The following VEGFA variants were observed in gnomAD, a reference collection of about 807,000 sequenced individuals.
VEGFA encodes vascular endothelial growth factor A.
A neutral mutation model predicts 49.7 loss-of-function variants in VEGFA; 20 were observed. That is an observed-to-expected ratio of 0.40 (90% CI 0.28 to 0.58). The LOEUF (loss-of-function observed/expected upper bound fraction) is 0.58. Among genes scored for constraint, VEGFA ranks in the 20% least tolerant of loss-of-function variants. The pLI is 0.40. For missense variants in VEGFA, 505 were observed against 553.5 expected (o/e 0.91, Z 0.88); for synonymous variants, 219 against 223.4 (o/e 0.98, Z 0.18).
intron 1 of VEGFA, chr6:43,772,097 T>C: frequency 1.0e-6 from 1 of 984,820 alleles, no homozygotes; most frequent in Non-Finnish European, 1.2e-6. Flanking sequence ...AGGTGACCTC[T>C]CGAGGTAGCC....
chr6:43,776,243 A>C (rs1201851137), intron 2 of VEGFA: 1 of 152,196 alleles, frequency 6.6e-6, no homozygotes, highest in Non-Finnish European at 1.5e-5. Flanking sequence ...GGACTGGCCC[A>C]AGGTCATACC....
intron 6 of VEGFA, 50 bp downstream of exon 6, chr6:43,780,853 C>T: frequency 6.2e-7 from 1 of 1,613,536 alleles, no homozygotes; most frequent in African/African-American, 1.3e-5. Flanking sequence ...CCCTGGCCCC[C>T]AGTACAACCT....
intron 6 of VEGFA, 22 bp from the exon 7 acceptor site, chr6:43,781,934 C>T (rs1233942601): frequency 6.2e-7 from 1 of 1,613,472 alleles, no homozygotes. Context: ...GCTTAGATGT[C>T]TTTCCTTTTG....
chr6:43,778,060 A>G (rs1766051245), intron 3 of VEGFA: 1 of 439,278 alleles, frequency 2.3e-6, no homozygotes, highest in Non-Finnish European at 4.2e-6. Flanking sequence ...GTAATGGGGC[A>G]CATCTCAGCC....
chr6:43,782,575 C>T (rs1768214565), intron 7 of VEGFA: 1 of 242,354 alleles, frequency 4.1e-6, no homozygotes. Context: ...GTGTTTCTTG[C>T]TGGGGGAAGG....
chr6:43,780,211 G>A lies in VEGFA; in HGVS notation c.963-521G>A, dbSNP rs533142477. The A allele has an allele frequency of 8.9e-5, 19 of 213,760 alleles. 1 individual carries two copies. In the South Asian group the frequency reaches 1.4e-3, roughly 15 times the overall value. The allele number at this position is 213,760 out of a possible 1,614,324, so 13.2% of individuals were successfully genotyped here. The stretch of plus-strand genomic sequence containing the variant: ...CACCGGGATTCCCAGAGGTTCTGTC[G>A]CAGTTGCAAATGAAGGCACAAGGCC... On this transcript the variant is annotated intron_variant, in intron 5 of 7. Transcript: ENST00000672860.
intron 7 of VEGFA, chr6:43,782,384 T>C (rs1036751848): frequency 2.4e-6 from 1 of 421,502 alleles, no homozygotes; most frequent in Non-Finnish European, 4.5e-6. Flanking sequence ...GTGTGTTGTG[T>C]CCTGTGGTCC....
chr6:43,771,440 G>A, intron 1 of VEGFA, 128 bp downstream of exon 1: 1 of 971,022 alleles, frequency 1.0e-6, no homozygotes, highest in Non-Finnish European at 1.4e-6. Context: ...GGCGTGCGGC[G>A]TCCCCCTCTG....
chr6:43,780,665 C>A, intron 5 of VEGFA, 67 bp from the exon 6 acceptor site: 1 of 1,561,970 alleles, frequency 6.4e-7, no homozygotes, highest in Non-Finnish European at 8.7e-7. Flanking sequence ...CCCTGCCCAC[C>A]TTACCACTTC....
Position 43,771,061 on chromosome 6 carries a change from T to C in VEGFA, c.355T>C (p.Trp119Arg), listed in dbSNP as rs1022494662. Residue 119 changes from tryptophan to arginine, a missense_variant, in exon 1 of 8, where the codon TGG (tryptophan) becomes CGG (arginine). Transcript: ENST00000672860. The stretch of plus-strand genomic sequence containing the variant: ...ACTCGGCGCTCGGAAGCCGGGCTCA[T>C]GGACGGGTGAGGCGGCGGTGTGCGC... 20 of 1,513,552 alleles carry C rather than the reference T, an allele frequency of 1.3e-5. No individual in the cohort carries two copies. The highest frequency in any genetic ancestry group is 2.3e-4 in the Middle Eastern group (1 of 4,368). The allele number at this position is 1,513,552 out of a possible 1,614,324, so 93.8% of individuals were successfully genotyped here.
At chr6:43,780,925 C>T in intron 6 of VEGFA, 122 bp downstream of exon 6, 1 of 1,609,634 alleles carries the variant, frequency 6.2e-7, no homozygotes, top group African/African-American at 1.3e-5. Flanking sequence ...TCTCATCCTC[C>T]TGGCCCGTGT....
Position 43,774,329 on chromosome 6 carries a change from T to C in VEGFA, c.607-12T>C. On this transcript the variant is annotated splice_polypyrimidine_tract_variant and intron_variant, in intron 1 of 7. Transcript: ENST00000672860. ...TGCCCATGCCCATGCCTTGCTCTCT[T>C]TCTGTCCTCAGTGGTCCCAGGCTGC... The C allele has an allele frequency of 6.2e-7, 1 of 1,614,052 alleles. No homozygotes were observed. Among genetic ancestry groups the C allele is most frequent in the Non-Finnish European group, 8.5e-7 (1 of 1,180,010 alleles).
At chr6:43,779,048 T>A in intron 5 of VEGFA, 130 bp downstream of exon 5, 1 of 1,240,318 alleles carries the variant, frequency 8.1e-7, no homozygotes, top group Non-Finnish European at 1.2e-6. Flanking sequence ...GGGGGACTTG[T>A]GGTGGCAGCA....
intron 6 of VEGFA, chr6:43,781,680 C>T: frequency 2.4e-6 from 1 of 424,612 alleles, no homozygotes; most frequent in South Asian, 2.1e-5. Flanking sequence ...CCTTGTCTCC[C>T]AGAGACACAG....
chr6:43,778,628 G>A (rs562277180), intron 4 of VEGFA, 92 bp downstream of exon 4: 30 of 1,357,534 alleles, frequency 2.2e-5, no homozygotes, highest in African/African-American at 8.6e-5. Flanking sequence ...TTTGGCCCCC[G>A]TCCAGCTTCC....
Position 43,770,557 on chromosome 6 carries a change from T to G in VEGFA, c.-150T>G. 1.5e-6 allele frequency: 2 copies of G among 1,338,096 alleles called. No individual in the cohort carries two copies. Among genetic ancestry groups the G allele is most frequent in the Non-Finnish European group, 1.9e-6 (2 of 1,050,392 alleles). The allele number at this position is 1,338,096 out of a possible 1,614,324, so 82.9% of individuals were successfully genotyped here. On this transcript the variant is annotated 5_prime_UTR_variant, in exon 1 of 8. Transcript: ENST00000672860. Reference sequence around the variant, plus strand: ...AGGTAGCAAGAGCTCCAGAGAGAAGTCGAGGAAGAGAGAGACGGGGTCAGA... The same window carrying G: ...AGGTAGCAAGAGCTCCAGAGAGAAGGCGAGGAAGAGAGAGACGGGGTCAGA...
chr6:43,778,883 T>C lies in VEGFA; in HGVS notation c.933-6T>C, dbSNP rs199676353. 3 of 1,614,220 alleles carry C rather than the reference T, an allele frequency of 1.9e-6. No individual in the cohort carries two copies. Among genetic ancestry groups the C allele is most frequent in the African/African-American group, 1.3e-5 (1 of 75,036 alleles). ...TTGCTCTTTTCTCTCTCCCTACCCA[T>C]TGCAGACCAAAGAAAGATAGAGCAA... On this transcript the variant is annotated splice_polypyrimidine_tract_variant and splice_region_variant and intron_variant, in intron 4 of 7. Coordinates refer to ENST00000672860, the MANE Select transcript of VEGFA (RefSeq NM_003376.6).
chr6:43,779,339 T>C (rs1026487708), intron 5 of VEGFA: 3 of 372,138 alleles, frequency 8.1e-6, no homozygotes, highest in Non-Finnish European at 1.5e-5. Context: ...ACGGTGCAGT[T>C]GGATGCGAGG....
In VEGFA at chr6:43,786,150, T is replaced by C; in HGVS notation, c.*1588T>C. 5.6e-6 allele frequency: 1 copy of C among 178,246 alleles called. No individual in the cohort carries two copies. Among genetic ancestry groups the C allele is most frequent in the East Asian group, 9.9e-5 (1 of 10,098 alleles). 11.0% of individuals were successfully genotyped at this position (178,246 alleles called of 1,614,324 possible). A position where few individuals can be genotyped will look rare whatever the true frequency, so the allele number is the denominator to read the frequency against. ...GGCAACTTGTATTTGTGTGTATATA[T>C]ATATATATATGTTTATGTATATATG... On this transcript the variant is annotated 3_prime_UTR_variant, in exon 8 of 8. Coordinates refer to ENST00000672860, the MANE Select transcript of VEGFA (RefSeq NM_003376.6).
Sources: allele counts gnomAD v4.1 joint callset, GRCh38; gene constraint gnomAD v4.1.1; transcripts MANE v1.5; gene names NCBI Gene and HGNC (gene_info 2026-07-23, HGNC 2026-07-21).